ANKDD1A: variants seen among roughly 807,000 people sequenced by gnomAD.
ANKDD1A encodes the protein ankyrin repeat and death domain containing 1A, also known as ankyrin repeat and death domain-containing protein 1A.
ANKDD1A carries 59 observed loss-of-function variants against 63.5 expected under a neutral mutation model. That is an observed-to-expected ratio of 0.93 (90% CI 0.75 to 1.15). ANKDD1A has a LOEUF of 1.15. ANKDD1A is among the 50% of genes most tolerant of loss of function. ANKDD1A has a pLI of 0.00. For missense variants in ANKDD1A, 632 were observed against 656.4 expected (o/e 0.96, Z 0.41); for synonymous variants, 266 against 263.9 (o/e 1.01, Z -0.08).
chr15:64,934,285 G>T, intron 9 of ANKDD1A, 51 bp downstream of exon 9: 1 of 1,536,366 alleles, frequency 6.5e-7, no homozygotes, highest in South Asian at 1.2e-5. Flanking sequence ...AGCCTTCCAT[G>T]AGCACACTGA....
chr15:64,954,948 TTC>T (rs754362957), intron 14 of ANKDD1A, among the ~76,000 whole-genome samples: 7 of 150,846 alleles, frequency 4.6e-5, no homozygotes, highest in East Asian at 2.0e-4. Context: ...TTGTCTCTTC[TTC>T]TCTCTCCTTC....
intron 12 of ANKDD1A, among the ~76,000 whole-genome samples, chr15:64,945,853 C>G (rs1337831509): frequency 1.3e-5 from 2 of 151,134 alleles, no homozygotes; most frequent in African/African-American, 4.9e-5. Context: ...AGGATGGTCT[C>G]AATCTTCTGA....
chr15:64,922,113 C>G, intron 4 of ANKDD1A, 94 bp downstream of exon 4: 2 of 1,099,898 alleles, frequency 1.8e-6, no homozygotes, highest in Non-Finnish European at 2.7e-6. Flanking sequence ...CCTGCTTGCC[C>G]CTCCAGCCCC....
intron 14 of ANKDD1A, chr15:64,950,487 G>A (rs961895073): frequency 2.0e-6 from 2 of 985,274 alleles, no homozygotes; most frequent in South Asian, 4.7e-5. Flanking sequence ...CAGGATAGAA[G>A]GTTCTAGTAC....
In ANKDD1A at chr15:64,957,429, A is replaced by G. The variant is rs1198470729; in HGVS notation, c.*241A>G. The G allele has an allele frequency of 6.3e-6, 1 of 159,948 alleles. No individual in the cohort carries two copies. The highest frequency in any genetic ancestry group is 1.4e-5 in the Non-Finnish European group (1 of 73,160). 9.9% of individuals were successfully genotyped at this position (159,948 alleles called of 1,614,324 possible). On this transcript the variant is annotated 3_prime_UTR_variant, in exon 15 of 15. Transcript: ENST00000319580. ...AAAGTAAAGATTATTTTACCTTGAA[A>G]TTACAAAAATTATTTTCAGTTTTCC...
At chr15:64,939,249 T>C (rs2085161005) in intron 9 of ANKDD1A, among the ~76,000 whole-genome samples, 1 of 151,794 alleles carries the variant, frequency 6.6e-6, no homozygotes, top group Non-Finnish European at 1.5e-5. Flanking sequence ...CAGTGAGCCA[T>C]GATCTTGCCA....
At chr15:64,952,358 CTTCT>C (rs1291049638) in intron 14 of ANKDD1A, among the ~76,000 whole-genome samples, 4 of 121,696 alleles carry the variant, frequency 3.3e-5, no homozygotes, top group Non-Finnish European at 6.6e-5. Flanking sequence ...GTTCTTCCTC[CTTCT>C]TCTTTCTTCT....
chr15:64,926,983 A>G lies in ANKDD1A; in HGVS notation c.554A>G (p.His185Arg), dbSNP rs2085050149. The G allele has an allele frequency of 6.2e-7, 1 of 1,614,024 alleles. No homozygotes were observed. The highest frequency in any genetic ancestry group is 8.5e-7 in the Non-Finnish European group (1 of 1,180,026). Reference sequence around the variant, plus strand: ...TTCCTCGTGGGCTCTGGCTGTGACCACAATGTCAAAGACAAGGTACCGTGT... The same window carrying G: ...TTCCTCGTGGGCTCTGGCTGTGACCGCAATGTCAAAGACAAGGTACCGTGT... ...LDFLVGSGCD[H>R]NVKDKEGNTA... Residue 185 changes from histidine (H) to arginine (R), a missense_variant, in exon 6 of 15, where the codon CAC becomes CGC. By Grantham distance (29) the His-to-Arg change is conservative. Transcript: ENST00000319580.
intron 14 of ANKDD1A, among the ~76,000 whole-genome samples, chr15:64,954,812 GTTC>G (rs774976447): frequency 7.5e-6 from 1 of 133,044 alleles, no homozygotes; most frequent in Admixed American, 7.9e-5. Flanking sequence ...CTTCTTCCTT[GTTC>G]TTCTCCTTCT....
chr15:64,953,917 TCTC>T (rs572758121), intron 14 of ANKDD1A, among the ~76,000 whole-genome samples: 7 of 76,508 alleles, frequency 9.1e-5, no homozygotes, highest in African/African-American at 2.1e-4. Context: ...TCTTCTTTCT[TCTC>T]TTTTTCTTTT....
In ANKDD1A at chr15:64,947,519, G is replaced by C; in HGVS notation, c.1277G>C (p.Arg426Pro). The C allele has an allele frequency of 2.5e-6, 4 of 1,614,024 alleles. No individual in the cohort carries two copies. Among genetic ancestry groups the C allele is most frequent in the Non-Finnish European group, 3.4e-6 (4 of 1,179,984 alleles). ...WRLASRYLQP[R>P]EWKKLAYSWE... ...CTGGCCTCCAGGTATCTGCAGCCCC[G>C]TGAGTGGAAGAAGCTGGCATATTCC... is the stretch of plus-strand genomic sequence containing the variant. Residue 426 changes from arginine to proline, a missense_variant, in exon 13 of 15, where the codon CGT (arginine) becomes CCT (proline). By Grantham distance (103) the Arg-to-Pro change is moderately radical. Coordinates refer to ENST00000319580, the MANE Select transcript of ANKDD1A (RefSeq NM_182703.6).
intron 9 of ANKDD1A, among the ~76,000 whole-genome samples, chr15:64,935,897 C>G (rs780115070): frequency 3.9e-5 from 6 of 151,948 alleles, no homozygotes; most frequent in Non-Finnish European, 7.4e-5. Flanking sequence ...TTCTAGAAGG[C>G]AAGTTGACAA....
In ANKDD1A at chr15:64,926,928, G is replaced by C. The variant is rs572588342; in HGVS notation, c.499G>C (p.Ala167Pro). The change falls in exon 6 of 15, where the codon GCT (alanine) becomes CCT (proline). Residue 167 changes from alanine (A) to proline (P), a missense_variant. Ala to Pro is a conservative substitution (Grantham distance 27). Transcript: ENST00000319580. Reference sequence around the variant, plus strand: ...GGGGAGGACGGCGTTTCACAGGGCAGCTGAGCACGGGCAGCTGGATGCTCT... The same window carrying C: ...GGGGAGGACGGCGTTTCACAGGGCACCTGAGCACGGGCAGCTGGATGCTCT... The part of the protein sequence containing the change: ...KLGRTAFHRA[A>P]EHGQLDALDF... The C allele has an allele frequency of 6.2e-7, 1 of 1,614,172 alleles. No individual in the cohort carries two copies. Among genetic ancestry groups the C allele is most frequent in the Non-Finnish European group, 8.5e-7 (1 of 1,180,040 alleles).
rs559004551 is a variant in ANKDD1A, at chr15:64,933,490, C to A, written c.769-646C>A. The stretch of plus-strand genomic sequence containing the variant: ...GGCACCAAGACCAGCTTGTGCTGGG[C>A]AGTGCATGCTGGGTGGAGTTTGCTC... On this transcript the variant is annotated intron_variant, in intron 8 of 14. Transcript: ENST00000319580. Among the ~76,000 whole-genome samples the A allele has an allele frequency of 3.9e-5, 6 of 152,278 alleles. No homozygotes were observed. In the South Asian group the frequency reaches 1.2e-3, roughly 32 times the overall value.
At chr15:64,928,321 G>A (rs892162755) in intron 6 of ANKDD1A, among the ~76,000 whole-genome samples, 2 of 152,264 alleles carry the variant, frequency 1.3e-5, no homozygotes, top group Non-Finnish European at 2.9e-5. Flanking sequence ...CAGGAACTAG[G>A]CATGCAAAGA....
chr15:64,924,120 T>C (rs1025768742), intron 4 of ANKDD1A, among the ~76,000 whole-genome samples: 8 of 152,132 alleles, frequency 5.3e-5, no homozygotes, highest in African/African-American at 1.9e-4. Context: ...GTGGGTGGGC[T>C]GGGGGCTGGC....
rs553148491 is a variant in ANKDD1A at position 64,915,833 on chromosome 15, G to A, written c.71G>A (p.Arg24His). The A allele has an allele frequency of 7.8e-5, 126 of 1,614,022 alleles. No homozygotes were observed. Among genetic ancestry groups the A allele is most frequent in the East Asian group, 4.7e-4 (21 of 44,874 alleles). The change falls in exon 2 of 15, where the codon CGC (arginine) becomes CAC (histidine). Residue 24 changes from arginine (R) to histidine (H), a missense_variant. Arg to His is a conservative substitution (Grantham distance 29). Coordinates refer to ENST00000319580, the MANE Select transcript of ANKDD1A (RefSeq NM_182703.6). ...GAGAGGCAGCTCCACGAGGCCGCCC[G>A]CCAGAACAATGTCGGCAGGATGCAG... ...PLERQLHEAA[R>H]QNNVGRMQEL...
chr15:64,927,909 A>G (rs2085059846), intron 6 of ANKDD1A, among the ~76,000 whole-genome samples: 1 of 152,098 alleles, frequency 6.6e-6, no homozygotes, highest in East Asian at 1.9e-4. Flanking sequence ...CCGGCCTGTT[A>G]CAGCAAATTC....
chr15:64,933,284 C>T (rs989195084), intron 8 of ANKDD1A, among the ~76,000 whole-genome samples: 4 of 152,206 alleles, frequency 2.6e-5, no homozygotes, highest in African/African-American at 9.7e-5. Flanking sequence ...AGTCCCACAT[C>T]TCAAGAACTC....
Sources: allele counts gnomAD v4.1 joint callset (sites outside exome capture counted in the v4.1 genomes callset), GRCh38; gene constraint gnomAD v4.1.1; transcripts MANE v1.5; gene names NCBI Gene and HGNC (gene_info 2026-07-23, HGNC 2026-07-21).